The following B3GALT1 variants were observed in gnomAD, a reference collection of about 807,000 sequenced individuals.
The protein encoded by B3GALT1 is UDP-Gal:betaGlcNAc beta 1,3-galactosyltransferase, polypeptide 1.
Under a neutral mutation model 23.2 loss-of-function variants are expected in B3GALT1, and 10 were observed. The observed-to-expected ratio is 0.43, with a 90% CI of 0.27 to 0.73. The LOEUF (loss-of-function observed/expected upper bound fraction) is 0.73. Ranked by LOEUF, B3GALT1 falls within the 30% of genes least tolerant of loss-of-function variation. B3GALT1 has a pLI of 0.21. For missense variants in B3GALT1, 299 were observed against 405.4 expected, an observed-to-expected ratio of 0.74 and a Z score of 2.25; for synonymous variants, 156 against 141.5, an observed-to-expected ratio of 1.10 and a Z score of -0.73.
chr2:167,567,054 T>G (rs1487576306), intron 2 of B3GALT1, among the ~76,000 whole-genome samples: 1 of 152,118 alleles, frequency 6.6e-6, no homozygotes, highest in Non-Finnish European at 1.5e-5. Flanking sequence ...TCATATAGAC[T>G]TAGGTTTGAG....
intron 3 of B3GALT1, among the ~76,000 whole-genome samples, chr2:167,653,979 A>G (rs1685909494): frequency 6.6e-6 from 1 of 152,180 alleles, no homozygotes; most frequent in Non-Finnish European, 1.5e-5. Context: ...AGTCTTGGAT[A>G]TGGCTCCAGT....
intron 1 of B3GALT1, among the ~76,000 whole-genome samples, chr2:167,477,949 T>G (rs1048073936): frequency 2.0e-5 from 3 of 152,234 alleles, no homozygotes; most frequent in Admixed American, 1.3e-4. Context: ...GTCTATTTAT[T>G]GTTTCAAACA....
chr2:167,750,891 T>C (rs917518649), intron 3 of B3GALT1, among the ~76,000 whole-genome samples: 1 of 152,038 alleles, frequency 6.6e-6, no homozygotes, highest in African/African-American at 2.4e-5. Flanking sequence ...CAGGAATCTA[T>C]TTAGGATCCA....
At chr2:167,808,790 T>C (rs1574273912) in intron 3 of B3GALT1, among the ~76,000 whole-genome samples, 1 of 152,162 alleles carries the variant, frequency 6.6e-6, no homozygotes, top group East Asian at 1.9e-4. Context: ...AGGAGTCTCT[T>C]TGTGGCATTC....
intron 1 of B3GALT1, among the ~76,000 whole-genome samples, chr2:167,387,467 C>A (rs1487667301): frequency 6.6e-6 from 1 of 152,120 alleles, no homozygotes; most frequent in Admixed American, 6.5e-5. Flanking sequence ...ATACATTCAA[C>A]TGCAAAATAT....
At chr2:167,569,470 T>G (rs745531811) in intron 2 of B3GALT1, among the ~76,000 whole-genome samples, 1 of 151,964 alleles carries the variant, frequency 6.6e-6, no homozygotes, top group African/African-American at 2.4e-5. Flanking sequence ...TTAACTGGTA[T>G]TGTGTTTTAA....
intron 3 of B3GALT1, among the ~76,000 whole-genome samples, chr2:167,657,188 G>A (rs1685969459): frequency 6.6e-6 from 1 of 152,120 alleles, no homozygotes; most frequent in Non-Finnish European, 1.5e-5. Context: ...ATATTCAAAT[G>A]GAGATGTCTG....
At position 167,306,844 on chromosome 2, in the gene B3GALT1, A is replaced by C. The variant is rs569029380; in HGVS notation, c.-511+13510A>C. 6.9e-4 allele frequency among the ~76,000 whole-genome samples: 105 copies of C among 152,126 alleles called. No individual in the cohort carries two copies. In the South Asian group the frequency reaches 9.5e-3, roughly 14 times the overall value. On this transcript the variant is annotated intron_variant, in intron 1 of 4. Coordinates refer to ENST00000392690, the MANE Select transcript of B3GALT1 (RefSeq NM_020981.4). ...ACACTCTTTGCCCTGCTCAGTAAGC[A>C]CTTATGCTGGTCTTTCTCTTTCTTA... is the stretch of plus-strand genomic sequence containing the variant.
At chr2:167,393,818 T>G (rs998636009) in intron 1 of B3GALT1, among the ~76,000 whole-genome samples, 12 of 152,204 alleles carry the variant, frequency 7.9e-5, no homozygotes, top group African/African-American at 2.7e-4. Flanking sequence ...ATGCATCATG[T>G]TTTAAAGCCC....
intron 1 of B3GALT1, among the ~76,000 whole-genome samples, chr2:167,294,729 T>A (rs1279510032): frequency 6.6e-6 from 1 of 152,236 alleles, no homozygotes; most frequent in Non-Finnish European, 1.5e-5. Context: ...ATCAGCTCCC[T>A]GCCTGCCAGC....
chr2:167,606,008 T>C (rs1684956424), intron 2 of B3GALT1, among the ~76,000 whole-genome samples: 1 of 152,178 alleles, frequency 6.6e-6, no homozygotes, highest in African/African-American at 2.4e-5. Context: ...GCAAAGACTG[T>C]TGGTTATATC....
chr2:167,424,009 C>T (rs143976542), intron 1 of B3GALT1, among the ~76,000 whole-genome samples: 464 of 152,254 alleles, frequency 3.0e-3, no homozygotes, highest in Non-Finnish European at 5.0e-3. Context: ...GACACCAAAG[C>T]AGAGATACAC....
rs79505827 is a variant in B3GALT1, at chr2:167,470,958, G to T, written c.-510-19219G>T. Among the ~76,000 whole-genome samples, 851 of 152,278 alleles carry T rather than the reference G, an allele frequency of 5.6e-3. 9 individuals are homozygous for T. The highest frequency in any genetic ancestry group is 0.02 in the African/African-American group (814 of 41,532). Reference sequence around the variant, plus strand: ...TTATTCCACAAAGAAAACAGTTTCCGTGGGTTTTGGCAGCCTAATATTTTG... The same window carrying T: ...TTATTCCACAAAGAAAACAGTTTCCTTGGGTTTTGGCAGCCTAATATTTTG... On this transcript the variant is annotated intron_variant, in intron 1 of 4. Transcript: ENST00000392690.
chr2:167,483,656 A>G (rs1053540690), intron 1 of B3GALT1, among the ~76,000 whole-genome samples: 1 of 152,206 alleles, frequency 6.6e-6, no homozygotes, highest in Non-Finnish European at 1.5e-5. Flanking sequence ...TTCCTCCACC[A>G]AAAGGAATTT....
intron 1 of B3GALT1, among the ~76,000 whole-genome samples, chr2:167,473,280 C>T (rs914397578): frequency 2.0e-5 from 3 of 152,096 alleles, no homozygotes; most frequent in African/African-American, 7.2e-5. Flanking sequence ...ATATTTTACT[C>T]TCTTACAAGG....
intron 1 of B3GALT1, among the ~76,000 whole-genome samples, chr2:167,460,135 A>C (rs1699234794): frequency 6.6e-6 from 1 of 152,178 alleles, no homozygotes; most frequent in Non-Finnish European, 1.5e-5. Flanking sequence ...GTTTCATAGA[A>C]GTTTATATTC....
chr2:167,667,298 T>C (rs931575026), intron 3 of B3GALT1, among the ~76,000 whole-genome samples: 1 of 152,256 alleles, frequency 6.6e-6, no homozygotes, highest in Admixed American at 6.5e-5. Flanking sequence ...TTCTGGCTCG[T>C]AGAGTTTCTG....
At chr2:167,632,123 C>A (rs1206940511) in intron 2 of B3GALT1, among the ~76,000 whole-genome samples, 1 of 152,056 alleles carries the variant, frequency 6.6e-6, no homozygotes, top group East Asian at 1.9e-4. Context: ...AGGACATGAA[C>A]TCATCCTTTT....
chr2:167,425,979 A>AT (rs1280316630), intron 1 of B3GALT1, among the ~76,000 whole-genome samples: 8 of 152,056 alleles, frequency 5.3e-5, no homozygotes, highest in Admixed American at 2.0e-4. Flanking sequence ...TCCCTCAGCA[A>AT]TTTTTCAAGC....
Sources: gnomAD v4.1 joint callset for allele counts (sites outside exome capture counted in the v4.1 genomes callset) on GRCh38, gnomAD v4.1.1 for gene constraint, MANE v1.5 for transcripts, NCBI Gene and HGNC (gene_info 2026-07-23, HGNC 2026-07-21) for gene names.